The following SEPTIN14 variants were observed in gnomAD, a reference collection of about 807,000 sequenced individuals.
The protein encoded by SEPTIN14 is septin 14.
SEPTIN14 carries 40 observed loss-of-function variants against 53.6 expected under a neutral mutation model. That is an observed-to-expected ratio of 0.75 (90% CI 0.58 to 0.97). SEPTIN14 has a LOEUF of 0.97. Among genes scored for constraint, SEPTIN14 ranks in the 50% least tolerant of loss-of-function variants. SEPTIN14 has a pLI of 0.00. For synonymous variants in SEPTIN14, 138 were observed against 166.8 expected, an observed-to-expected ratio of 0.83 and a Z score of 1.33; for missense variants, 471 against 508.2, an observed-to-expected ratio of 0.93 and a Z score of 0.70.
rs751315161 is a variant in SEPTIN14, at chr7:55,834,602, A to G, written c.559-16T>C. The G allele has an allele frequency of 1.9e-6, 3 of 1,571,728 alleles. No homozygotes were observed. The highest frequency in any genetic ancestry group is 1.7e-6 in the Non-Finnish European group (2 of 1,160,292). Reference sequence around the variant, plus strand: ...TAATATTCACCTATGAAGAAAGAAGACAAACAAAATCTCATCATTGTTCAT... The same window carrying G: ...TAATATTCACCTATGAAGAAAGAAGGCAAACAAAATCTCATCATTGTTCAT... On this transcript the variant is annotated splice_polypyrimidine_tract_variant and intron_variant, in intron 5 of 9. Coordinates refer to ENST00000388975, the MANE Select transcript of SEPTIN14 (RefSeq NM_207366.3).
intron 2 of SEPTIN14, among the ~76,000 whole-genome samples, chr7:55,860,974 T>C (rs1197634119): frequency 6.6e-6 from 1 of 152,212 alleles, no homozygotes; most frequent in African/African-American, 2.4e-5. Flanking sequence ...CCAAACAGAC[T>C]AAGACACTTG....
chr7:55,800,695 A>T (rs917269973), intron 9 of SEPTIN14, among the ~76,000 whole-genome samples: 6 of 152,194 alleles, frequency 3.9e-5, no homozygotes, highest in African/African-American at 1.2e-4. Context: ...GAAGGGTGGT[A>T]GGGGTGGGGG....
chr7:55,836,707 C>T (rs1789215697), intron 5 of SEPTIN14, among the ~76,000 whole-genome samples: 1 of 152,136 alleles, frequency 6.6e-6, no homozygotes, highest in Non-Finnish European at 1.5e-5. Flanking sequence ...CATTGCACTC[C>T]AGCCTGGGCA....
chr7:55,830,349 A>ATTTTTTTTTTTTTTTTTTTTTTTT (rs1216458496), intron 6 of SEPTIN14, among the ~76,000 whole-genome samples: 2 of 56,848 alleles, frequency 3.5e-5, no homozygotes, highest in African/African-American at 2.0e-4. Flanking sequence ...ATATATATAT[A>ATTTTTTTTTTTTTTTTTTTTTTTT]TTTTTTTTTT....
chr7:55,847,837 A>G (rs1237458989), intron 2 of SEPTIN14, among the ~76,000 whole-genome samples: 1 of 152,204 alleles, frequency 6.6e-6, no homozygotes, highest in Non-Finnish European at 1.5e-5. Context: ...CATCAGTATT[A>G]CACACAAAGT....
intron 7 of SEPTIN14, among the ~76,000 whole-genome samples, chr7:55,816,610 A>G (rs1433058907): frequency 6.6e-6 from 1 of 151,918 alleles, no homozygotes; most frequent in Non-Finnish European, 1.5e-5. Flanking sequence ...TATCCTGACC[A>G]ACAAGCCAAA....
chr7:55,853,841 G>A lies in SEPTIN14; in HGVS notation c.55-7204C>T, dbSNP rs138322779. Among the ~76,000 whole-genome samples, 430 of 152,232 alleles carry A rather than the reference G, an allele frequency of 2.8e-3. 5 individuals are homozygous for A. Among genetic ancestry groups the A allele is most frequent in the Middle Eastern group, 0.01 (3 of 294 alleles). On this transcript the variant is annotated intron_variant, in intron 2 of 9. Coordinates refer to ENST00000388975, the MANE Select transcript of SEPTIN14 (RefSeq NM_207366.3). The stretch of plus-strand genomic sequence containing the variant: ...AAAAATTAAAAAGTAAGGGCTGAGC[G>A]TGGTGGCTCATGCCTGTAATCCCAG...
chr7:55,846,962 C>A (rs1164998536), intron 2 of SEPTIN14, among the ~76,000 whole-genome samples: 2 of 151,952 alleles, frequency 1.3e-5, no homozygotes, highest in African/African-American at 4.8e-5. Flanking sequence ...CTGAGGCAGG[C>A]GGATCATGAG....
Position 55,816,244 on chromosome 7 carries a change from G to A in SEPTIN14, c.817+2883C>T, listed in dbSNP as rs762513349. ...AGAAGTGGGGATAGTTGATGGGTAC[G>A]AATATATAGTTACATAGAATGAATA... is the stretch of plus-strand genomic sequence containing the variant. On this transcript the variant is annotated intron_variant, in intron 7 of 9. Coordinates refer to ENST00000388975, the MANE Select transcript of SEPTIN14 (RefSeq NM_207366.3). Among the ~76,000 whole-genome samples the A allele has an allele frequency of 2.4e-4, 36 of 152,082 alleles. 1 individual carries two copies. Among genetic ancestry groups the A allele is most frequent in the Non-Finnish European group, 4.9e-4 (33 of 67,984 alleles).
chr7:55,814,846 T>C (rs563870705), intron 7 of SEPTIN14, among the ~76,000 whole-genome samples: 1 of 152,252 alleles, frequency 6.6e-6, no homozygotes, highest in Admixed American at 6.5e-5. Flanking sequence ...AAAGCAATTC[T>C]GGGCAAAAAT....
At chr7:55,841,615 A>G (rs1789313204) in intron 5 of SEPTIN14, among the ~76,000 whole-genome samples, 1 of 151,956 alleles carries the variant, frequency 6.6e-6, no homozygotes, top group Non-Finnish European at 1.5e-5. Flanking sequence ...CAGCATTTTG[A>G]GAGGCTGAGG....
At chr7:55,845,328 G>T (rs1313771273) in intron 3 of SEPTIN14, among the ~76,000 whole-genome samples, 1 of 150,984 alleles carries the variant, frequency 6.6e-6, no homozygotes, top group African/African-American at 2.4e-5. Flanking sequence ...ATGGTAGACT[G>T]GATAAAGAAA....
Position 55,805,317 on chromosome 7 carries a change from G to C in SEPTIN14, c.1060C>G (p.Gln354Glu). The C allele has an allele frequency of 6.2e-7, 1 of 1,610,194 alleles. No individual in the cohort carries two copies. Among genetic ancestry groups the C allele is most frequent in the Non-Finnish European group, 8.5e-7 (1 of 1,177,842 alleles). Residue 354 changes from glutamine (Q) to glutamate (E), a missense_variant, in exon 9 of 10, where the codon CAG (glutamine) becomes GAG (glutamate). Physicochemically the swap from Gln to Glu is conservative, Grantham distance 29. Transcript: ENST00000388975. ...TCCTTGACTCGCTGCATAAATCTCTGTTTCAACTCTTCTTCTTCCCTCTGA... is the reference window on the plus strand; with the variant it reads ...TCCTTGACTCGCTGCATAAATCTCTCTTTCAACTCTTCTTCTTCCCTCTGA... The part of the protein sequence containing the change: ...QCQREEEELK[Q>E]RFMQRVKEKE...
chr7:55,803,241 C>A (rs1184437549), intron 9 of SEPTIN14, among the ~76,000 whole-genome samples: 1 of 151,984 alleles, frequency 6.6e-6, no homozygotes, highest in Non-Finnish European at 1.5e-5. Context: ...CCCGGCTGAA[C>A]CTGAACATTT....
chr7:55,819,305 G>T, intron 6 of SEPTIN14, 82 bp from the exon 7 acceptor site: 1 of 1,065,562 alleles, frequency 9.4e-7, no homozygotes, highest in Non-Finnish European at 1.4e-6. Context: ...TTATAAAAAT[G>T]ACAGGCCAGC....
chr7:55,840,181 C>A (rs1263636894), intron 5 of SEPTIN14, among the ~76,000 whole-genome samples: 1 of 145,714 alleles, frequency 6.9e-6, no homozygotes, highest in East Asian at 2.1e-4. Flanking sequence ...AACTGACTGG[C>A]ACCCTTATAA....
At chr7:55,836,075 ATG>A (rs1285759323) in intron 5 of SEPTIN14, among the ~76,000 whole-genome samples, 2 of 151,968 alleles carry the variant, frequency 1.3e-5, no homozygotes, top group Non-Finnish European at 1.5e-5. Context: ...GTGTGTATGT[ATG>A]TGTGTGTGTG....
intron 2 of SEPTIN14, among the ~76,000 whole-genome samples, chr7:55,856,801 G>A (rs1458162674): frequency 6.6e-6 from 1 of 152,136 alleles, no homozygotes; most frequent in East Asian, 1.9e-4. Context: ...GGCCAGGTGT[G>A]GTGGCTCACA....
intron 2 of SEPTIN14, among the ~76,000 whole-genome samples, chr7:55,850,110 C>T (rs886755895): frequency 6.6e-6 from 1 of 152,170 alleles, no homozygotes; most frequent in Admixed American, 6.6e-5. Context: ...CACACAAACT[C>T]TCTACAAAAC....
Sources: allele counts gnomAD v4.1 joint callset (sites outside exome capture counted in the v4.1 genomes callset), GRCh38; gene constraint gnomAD v4.1.1; transcripts MANE v1.5; gene names NCBI Gene and HGNC (gene_info 2026-07-23, HGNC 2026-07-21).